Variants in TAS1R2 observed in about 807,000 individuals in gnomAD.
TAS1R2 encodes the protein taste receptor type 1 member 2.
TAS1R2 carries 47 observed loss-of-function variants against 49.3 expected under a neutral mutation model. The ratio of observed to expected loss-of-function variants is 0.95; its 90% CI spans 0.75 to 1.22. TAS1R2 has a LOEUF of 1.22. TAS1R2 is among the 50% of genes most tolerant of loss of function. The probability of loss-of-function intolerance (pLI) is 0.00; values close to 1 mark genes in which losing one functional copy is unlikely to be tolerated. For missense variants in TAS1R2, 1,155 were observed against 1,122.1 expected (o/e 1.03, Z -0.42); for synonymous variants, 479 against 467.9 (o/e 1.02, Z -0.31).
In TAS1R2 at chr1:18,859,462, C is replaced by T. The variant is rs76539818; in HGVS notation, c.182+17G>A. 2.5e-6 allele frequency: 4 copies of T among 1,613,638 alleles called. No homozygotes were observed. The South Asian group carries it at 4.4e-5, about 18-fold the overall frequency. ...CCCATCCCCACTGCCACTTCCAGCCCCACACTGGAGACTCACTCCTTGCAC... is the reference window on the plus strand; with the variant it reads ...CCCATCCCCACTGCCACTTCCAGCCTCACACTGGAGACTCACTCCTTGCAC... On this transcript the variant is annotated intron_variant, in intron 1 of 5. Coordinates refer to ENST00000375371, the Ensembl canonical transcript of TAS1R2.
At chr1:18,842,510 G>A (rs1933847450) in intron 4 of TAS1R2, among the ~76,000 whole-genome samples, 1 of 152,046 alleles carries the variant, frequency 6.6e-6, no homozygotes, top group African/African-American at 2.4e-5. Flanking sequence ...AATAATAACA[G>A]GTATGTTCCC....
rs138972387 is a variant in TAS1R2 at position 18,854,662 on chromosome 1, G to A, written c.808C>T (p.Arg270Cys). ...TCGGGCGAGAACACGACCACGACGCGCGCTGTGCTCTGCTGCAGCTTGTCC... is the reference window on the plus strand; with the variant it reads ...TCGGGCGAGAACACGACCACGACGCACGCTGTGCTCTGCTGCAGCTTGTCC... Residue 270 changes from arginine to cysteine, a missense_variant, in exon 3 of 6, where the codon CGC (arginine) becomes TGC (cysteine). Coordinates refer to ENST00000375371, the Ensembl canonical transcript of TAS1R2. This position sits in a 1 kb window ranked among gnomAD's most constrained non-coding sequence, Gnocchi z 4.9. 154 of 1,613,882 alleles carry A rather than the reference G, an allele frequency of 9.5e-5. No individual in the cohort carries two copies. The highest frequency in any genetic ancestry group is 1.5e-4 in the Admixed American group (9 of 59,992).
chr1:18,853,856 C>G (rs894264265), intron 3 of TAS1R2, among the ~76,000 whole-genome samples: 2 of 152,120 alleles, frequency 1.3e-5, no homozygotes, highest in Non-Finnish European at 2.9e-5. Context: ...TGATAGAGAA[C>G]TAGGGTAATG....
At chr1:18,843,377 T>G (rs1477102719) in intron 4 of TAS1R2, among the ~76,000 whole-genome samples, 1 of 152,158 alleles carries the variant, frequency 6.6e-6, no homozygotes, top group Non-Finnish European at 1.5e-5. Flanking sequence ...AGGCCAAAGG[T>G]ACAGAGAATG....
intron 4 of TAS1R2, among the ~76,000 whole-genome samples, chr1:18,844,731 G>A (rs1933885418): frequency 6.6e-6 from 1 of 150,560 alleles, no homozygotes; most frequent in Non-Finnish European, 1.5e-5. Context: ...TCCAGCCTGG[G>A]CGACAGAGCG....
rs1214715696 is a variant in TAS1R2 at position 18,854,635 on chromosome 1, G to C, written c.835C>G (p.Leu279Val). The C allele has an allele frequency of 6.2e-6, 10 of 1,613,980 alleles. No homozygotes were observed. The highest frequency in any genetic ancestry group is 8.5e-6 in the Non-Finnish European group (10 of 1,180,010). Residue 279 changes from leucine (L) to valine (V), a missense_variant, in exon 3 of 6, where the codon CTG becomes GTG. Leu to Val is a conservative substitution (Grantham distance 32). Transcript: ENST00000375371. This position sits in a 1 kb window ranked among gnomAD's most constrained non-coding sequence, Gnocchi z 4.9. ...TCATTGAAGAAGTGGTACAGGGTCA[G>C]GTCGGGCGAGAACACGACCACGACG...
At chr1:18,853,800 G>A (rs960453728) in intron 3 of TAS1R2, among the ~76,000 whole-genome samples, 1 of 152,184 alleles carries the variant, frequency 6.6e-6, no homozygotes, top group Admixed American at 6.5e-5. Flanking sequence ...GTGGATGTGT[G>A]TGTTAAGCCA....
intron 1 of TAS1R2, 88 bp from the exon 2 acceptor site, chr1:18,857,719 C>G: frequency 1.4e-6 from 2 of 1,440,592 alleles, no homozygotes; most frequent in Non-Finnish European, 1.9e-6. Context: ...TCCTTCCTGC[C>G]ACAGGAAAGC....
chr1:18,851,911 G>A (rs533775850), intron 3 of TAS1R2, among the ~76,000 whole-genome samples: 1 of 152,334 alleles, frequency 6.6e-6, no homozygotes, highest in African/African-American at 2.4e-5. Flanking sequence ...AGTTTGACCT[G>A]TGTATGGGAC....
chr1:18,853,549 C>T (rs1010897131), intron 3 of TAS1R2, among the ~76,000 whole-genome samples: 2 of 151,660 alleles, frequency 1.3e-5, no homozygotes, highest in Admixed American at 6.6e-5. Context: ...AGCAAGGGGG[C>T]GAAAGGGGAG....
In TAS1R2 at chr1:18,854,652, A is replaced by AC. The variant is rs778390730; in HGVS notation, c.817dup (p.Val273GlyfsTer15). On this transcript the variant is annotated frameshift_variant, in exon 3 of 6. Coordinates refer to ENST00000375371, the Ensembl canonical transcript of TAS1R2. LOFTEE classifies it high-confidence loss of function. The surrounding 1 kb of genome is among the most constrained non-coding windows in gnomAD (Gnocchi z 4.9). ...CAGGGTCAGGTCGGGCGAGAACACG[A>AC]CCACGACGCGCGCTGTGCTCTGCTG... is the stretch of plus-strand genomic sequence containing the variant. 6.2e-7 allele frequency: 1 copy of AC among 1,613,872 alleles called. No individual in the cohort carries two copies. Among genetic ancestry groups the AC allele is most frequent in the East Asian group, 2.2e-5 (1 of 44,888 alleles).
chr1:18,839,975 A>T, exon 6 of TAS1R2: 1 of 1,614,042 alleles, frequency 6.2e-7, no homozygotes, highest in Non-Finnish European at 8.5e-7. Context: ...GACAATTGTG[A>T]TCTTGGGGTC....
Position 18,854,221 on chromosome 1 carries a change from G to A in TAS1R2, c.1249C>T (p.Pro417Ser), listed in dbSNP as rs761582483. ...GGCAGCCACCCCCTCACCTGCCAGGGGTAGACCACCCTCTTGGTGCAGGTG... is the reference window on the plus strand; with the variant it reads ...GGCAGCCACCCCCTCACCTGCCAGGAGTAGACCACCCTCTTGGTGCAGGTG... The change falls in exon 3 of 6, where the codon CCC (proline) becomes TCC (serine). Residue 417 changes from proline to serine, a missense_variant. Transcript: ENST00000375371. The surrounding 1 kb of genome is among the most constrained non-coding windows in gnomAD (Gnocchi z 4.9). The A allele has an allele frequency of 1.2e-6, 2 of 1,613,132 alleles. No individual in the cohort carries two copies. Among genetic ancestry groups the A allele is most frequent in the Admixed American group, 1.7e-5 (1 of 59,990 alleles).
intron 3 of TAS1R2, among the ~76,000 whole-genome samples, chr1:18,852,771 A>T (rs906436187): frequency 2.0e-5 from 3 of 151,920 alleles, no homozygotes; most frequent in African/African-American, 7.3e-5. Flanking sequence ...GTGCCTGTTC[A>T]CTCCCTACTT....
chr1:18,853,133 T>TA (rs1934063231), intron 3 of TAS1R2, among the ~76,000 whole-genome samples: 1 of 152,170 alleles, frequency 6.6e-6, no homozygotes, highest in African/African-American at 2.4e-5. Context: ...GTCCACCACT[T>TA]ACCACTGAGC....
At chr1:18,842,443 T>C (rs1356248819) in intron 4 of TAS1R2, among the ~76,000 whole-genome samples, 5 of 152,220 alleles carry the variant, frequency 3.3e-5, no homozygotes, top group Non-Finnish European at 7.3e-5. Context: ...TCTGACACCA[T>C]TGCTATTTAT....
At chr1:18,841,337 G>C (rs79622741) in intron 5 of TAS1R2, among the ~76,000 whole-genome samples, 7,693 of 152,280 alleles carry the variant, frequency 0.051, 536 homozygotes, top group African/African-American at 0.15. Flanking sequence ...GGATAAATGA[G>C]ATGGTGTCTT....
chr1:18,851,882 T>G (rs75500197), intron 3 of TAS1R2, among the ~76,000 whole-genome samples: 1,740 of 152,348 alleles, frequency 0.011, 32 homozygotes, highest in African/African-American at 0.04. Flanking sequence ...GCTGGGTGCC[T>G]GTCACTTCTT....
chr1:18,858,266 C>T (rs952149665), intron 1 of TAS1R2: 7 of 153,232 alleles, frequency 4.6e-5, no homozygotes, highest in African/African-American at 7.3e-5. Flanking sequence ...CCATCACCAA[C>T]GTCATCACTA....
Sources: allele counts gnomAD v4.1 joint callset (sites outside exome capture counted in the v4.1 genomes callset), GRCh38; gene constraint gnomAD v4.1.1; non-coding constraint Gnocchi (gnomAD v3.1); transcripts MANE v1.5; gene names NCBI Gene and HGNC (gene_info 2026-07-23, HGNC 2026-07-21).